CAMKMT: variants seen among roughly 807,000 people sequenced by gnomAD.
CAMKMT encodes the protein calmodulin-lysine N-methyltransferase, also known as CaM KMT.
CAMKMT carries 53 observed loss-of-function variants against 48.0 expected under a neutral mutation model. The ratio of observed to expected loss-of-function variants is 1.10; its 90% CI spans 0.89 to 1.39. The LOEUF (loss-of-function observed/expected upper bound fraction) is 1.39, where lower values mean the gene tolerates loss of function less well. Among genes scored for constraint, CAMKMT ranks in the 40% most tolerant of loss-of-function variants. The pLI is 0.00. For synonymous variants in CAMKMT, 165 were observed against 152.3 expected (o/e 1.08, Z -0.61); for missense variants, 428 against 402.7 (o/e 1.06, Z -0.54).
In CAMKMT at chr2:44,390,237, C is replaced by G. The variant is rs1453875943; in HGVS notation, c.312-4C>G. The G allele has an allele frequency of 1.9e-6, 3 of 1,602,414 alleles. No homozygotes were observed. The highest frequency in any genetic ancestry group is 1.1e-5 in the South Asian group (1 of 88,682). On this transcript the variant is annotated splice_region_variant and splice_polypyrimidine_tract_variant and intron_variant, in intron 2 of 10. Transcript: ENST00000378494. ...ATTAAAGCAAACGCTTTACTCCTTT[C>G]TAGGCATAATAGTGGATCCTTGAAT... is the stretch of plus-strand genomic sequence containing the variant.
At chr2:44,527,347 C>CAT (rs1558679275) in intron 3 of CAMKMT, among the ~76,000 whole-genome samples, 1 of 140,460 alleles carries the variant, frequency 7.1e-6, no homozygotes, top group Non-Finnish European at 1.5e-5. Flanking sequence ...TACATATATA[C>CAT]ATATATAATA....
chr2:44,426,682 A>G (rs1572846854), intron 3 of CAMKMT, among the ~76,000 whole-genome samples: 1 of 152,206 alleles, frequency 6.6e-6, no homozygotes, highest in East Asian at 1.9e-4. Flanking sequence ...GATGACACAA[A>G]CAAATGGAAA....
At position 44,761,908 on chromosome 2, in the gene CAMKMT, A is replaced by G. The variant is rs542058445; in HGVS notation, c.763-4522A>G. 2.0e-5 allele frequency among the ~76,000 whole-genome samples: 3 copies of G among 152,352 alleles called. No homozygotes were observed. In the East Asian group the frequency reaches 5.8e-4, roughly 29 times the overall value. On this transcript the variant is annotated intron_variant, in intron 9 of 10. Coordinates refer to ENST00000378494, the MANE Select transcript of CAMKMT (RefSeq NM_024766.5). ...TTAAAGGTATTTTCAGAATACCCAC[A>G]TGCAGAGATGTAGTAGGCACTTGAA...
chr2:44,562,173 G>T (rs1016121900), intron 3 of CAMKMT, among the ~76,000 whole-genome samples: 1 of 152,180 alleles, frequency 6.6e-6, no homozygotes, highest in African/African-American at 2.4e-5. Context: ...CTAGTGGTGA[G>T]CCAGTGAGAG....
At chr2:44,590,821 C>G (rs1670217551) in intron 3 of CAMKMT, among the ~76,000 whole-genome samples, 1 of 151,648 alleles carries the variant, frequency 6.6e-6, no homozygotes, top group African/African-American at 2.4e-5. Context: ...GACATGAAGT[C>G]CTTGCCCATG....
intron 2 of CAMKMT, among the ~76,000 whole-genome samples, chr2:44,376,444 C>G (rs1011605152): frequency 1.4e-4 from 21 of 150,958 alleles, no homozygotes; most frequent in African/African-American, 4.6e-4. Context: ...AAAATAGACA[C>G]TGGGGATGTT....
chr2:44,588,241 G>T (rs1408289856), intron 3 of CAMKMT, among the ~76,000 whole-genome samples: 1 of 51,464 alleles, frequency 1.9e-5, no homozygotes, highest in Non-Finnish European at 4.7e-5. Flanking sequence ...CCTCCGTCCG[G>T]CAGCCACCCC....
intron 2 of CAMKMT, among the ~76,000 whole-genome samples, chr2:44,379,453 G>T (rs549500377): frequency 2.6e-5 from 4 of 152,078 alleles, no homozygotes; most frequent in Non-Finnish European, 5.9e-5. Context: ...GGGTCATGTG[G>T]TATCTCTATG....
At chr2:44,426,438 C>T (rs185508991) in intron 3 of CAMKMT, among the ~76,000 whole-genome samples, 1 of 152,198 alleles carries the variant, frequency 6.6e-6, no homozygotes, top group African/African-American at 2.4e-5. Flanking sequence ...CCTAGAAAAC[C>T]CTGAAGATTC....
chr2:44,488,079 T>C (rs907240684), intron 3 of CAMKMT, among the ~76,000 whole-genome samples: 1 of 152,244 alleles, frequency 6.6e-6, no homozygotes, highest in Non-Finnish European at 1.5e-5. Context: ...TTTAGACTTA[T>C]GAAAGAACGG....
chr2:44,535,623 A>G (rs922634306), intron 3 of CAMKMT, among the ~76,000 whole-genome samples: 2 of 152,244 alleles, frequency 1.3e-5, no homozygotes, highest in African/African-American at 4.8e-5. Flanking sequence ...CACCAACAGA[A>G]TGAAGGACAA....
intron 3 of CAMKMT, among the ~76,000 whole-genome samples, chr2:44,405,539 C>G (rs1027789160): frequency 6.6e-6 from 1 of 151,834 alleles, no homozygotes; most frequent in African/African-American, 2.4e-5. Flanking sequence ...TTTAGGAAAT[C>G]GGAACTTGAA....
At chr2:44,488,982 C>T (rs926775160) in intron 3 of CAMKMT, among the ~76,000 whole-genome samples, 1 of 151,780 alleles carries the variant, frequency 6.6e-6, no homozygotes, top group Non-Finnish European at 1.5e-5. Flanking sequence ...CCTCCTGTCC[C>T]CCCGTCCTGA....
At chr2:44,548,450 G>C (rs1667521828) in intron 3 of CAMKMT, among the ~76,000 whole-genome samples, 1 of 152,134 alleles carries the variant, frequency 6.6e-6, no homozygotes, top group African/African-American at 2.4e-5. Flanking sequence ...GTGGTAGGCA[G>C]AATTCTAAAA....
intron 3 of CAMKMT, chr2:44,456,628 T>C: frequency 6.5e-7 from 1 of 1,547,542 alleles, no homozygotes; most frequent in Non-Finnish European, 8.7e-7. Flanking sequence ...CTTTTTTGTT[T>C]AAATGGTAAA....
At chr2:44,495,921 C>T (rs1232392639) in intron 3 of CAMKMT, among the ~76,000 whole-genome samples, 2 of 152,202 alleles carry the variant, frequency 1.3e-5, no homozygotes, top group African/African-American at 4.8e-5. Flanking sequence ...CACGTATAAT[C>T]ACATGTCTTT....
chr2:44,508,083 G>C (rs1004578421), intron 3 of CAMKMT, among the ~76,000 whole-genome samples: 1 of 152,176 alleles, frequency 6.6e-6, no homozygotes, highest in East Asian at 1.9e-4. Context: ...AAGTTTCTAA[G>C]TACTTTAATG....
intron 3 of CAMKMT, among the ~76,000 whole-genome samples, chr2:44,664,505 G>A (rs1674852543): frequency 6.6e-6 from 1 of 152,166 alleles, no homozygotes; most frequent in Admixed American, 6.5e-5. Context: ...GGTAATCAGT[G>A]TCCTATTATT....
chr2:44,442,340 A>G (rs915620093), intron 3 of CAMKMT, among the ~76,000 whole-genome samples: 36 of 152,256 alleles, frequency 2.4e-4, no homozygotes, highest in Non-Finnish European at 4.6e-4. Flanking sequence ...ATAAAGCAAA[A>G]TTATATACAT....
Sources: gnomAD v4.1 joint callset for allele counts (sites outside exome capture counted in the v4.1 genomes callset) on GRCh38, gnomAD v4.1.1 for gene constraint, MANE v1.5 for transcripts, NCBI Gene and HGNC (gene_info 2026-07-23, HGNC 2026-07-21) for gene names.